The following DEPDC5 variants were observed in gnomAD, a reference collection of about 807,000 sequenced individuals.
The protein encoded by DEPDC5 is DEP domain containing 5, GATOR1 subcomplex subunit.
In DEPDC5, 73 loss-of-function variants were observed where a neutral mutation model predicts 217.3. That is an observed-to-expected ratio of 0.34 (90% CI 0.28 to 0.41). The LOEUF is 0.41. DEPDC5 is among the 10% of genes least tolerant of loss of function. The pLI is 1.00. For missense variants in DEPDC5, 1,675 were observed against 2,070.1 expected, an observed-to-expected ratio of 0.81 and a Z score of 3.70; for synonymous variants, 733 against 756.7, an observed-to-expected ratio of 0.97 and a Z score of 0.51.
chr22:31,873,099 C>T (rs549497092), intron 34 of DEPDC5, 156 bp from the exon 35 acceptor site: 23 of 1,430,900 alleles, frequency 1.6e-5, no homozygotes, highest in African/African-American at 1.3e-4. Context: ...ATGAGATAAC[C>T]CCCTGATATA....
intron 40 of DEPDC5, among the ~76,000 whole-genome samples, chr22:31,900,087 C>G (rs2093622417): frequency 1.3e-5 from 2 of 152,164 alleles, no homozygotes; most frequent in South Asian, 4.1e-4. Context: ...TGCTCTGTCG[C>G]CCAGGCTGGA....
chr22:31,792,957 C>G (rs2085852608), intron 12 of DEPDC5, 140 bp downstream of exon 12: 1 of 568,728 alleles, frequency 1.8e-6, no homozygotes, highest in Admixed American at 4.8e-5. Flanking sequence ...GTGGTCCCAG[C>G]TACTTGGGAG....
intron 15 of DEPDC5, 44 bp downstream of exon 15, chr22:31,802,882 C>T (rs202113256): frequency 6.5e-7 from 1 of 1,536,162 alleles, no homozygotes. Context: ...TGTTCCTAGC[C>T]TGATTTCCCC....
At chr22:31,851,098 G>T (rs1355872056) in intron 31 of DEPDC5, among the ~76,000 whole-genome samples, 5 of 152,004 alleles carry the variant, frequency 3.3e-5, no homozygotes, top group Non-Finnish European at 1.5e-5. Flanking sequence ...CAGTTTTACT[G>T]GATTTACACA....
At chr22:31,858,547 CTG>C (rs1220155453) in intron 32 of DEPDC5, 10 of 152,122 alleles carry the variant, frequency 6.6e-5, no homozygotes, top group Non-Finnish European at 1.2e-4. Context: ...AATGGTATAT[CTG>C]TGTTTATTTT....
rs1433094505 is a variant in DEPDC5, at chr22:31,876,190, T to C, written c.3730T>C (p.Ser1244Pro). 1.2e-6 allele frequency: 2 copies of C among 1,614,040 alleles called. No homozygotes were observed. Among genetic ancestry groups the C allele is most frequent in the African/African-American group, 2.7e-5 (2 of 74,944 alleles). Residue 1244 changes from serine to proline, a missense_variant, in exon 37 of 43, where the codon TCT becomes CCT. Ser to Pro is a moderately conservative substitution (Grantham distance 74). Around this residue, in one of 11 missense-constraint regions of DEPDC5, gnomAD observed 194 missense variants for 199.3 expected, o/e 0.97. Coordinates refer to ENST00000651528, the MANE Select transcript of DEPDC5 (RefSeq NM_001242896.3). Reference protein sequence around the residue: ...MLEEQLITHASGEAWRTFIYG... With the variant: ...MLEEQLITHAPGEAWRTFIYG... ...GGAAGAGCAGCTCATCACACATGCA[T>C]CTGGCGAAGCCTGGCGGACCTTCAT...
At chr22:31,761,924 C>T (rs921322432) in intron 4 of DEPDC5, among the ~76,000 whole-genome samples, 32 of 148,576 alleles carry the variant, frequency 2.2e-4, no homozygotes, top group African/African-American at 6.8e-4. Context: ...GCCGAGGTCA[C>T]GCCACTGCAC....
At chr22:31,889,030 C>T (rs540713870) in intron 38 of DEPDC5, among the ~76,000 whole-genome samples, 45 of 152,284 alleles carry the variant, frequency 3.0e-4, no homozygotes, top group Admixed American at 5.9e-4. Flanking sequence ...ACCTGGGCAC[C>T]TCTGATTGTT....
rs149835772 is a variant in DEPDC5 at position 31,794,598 on chromosome 22, A to G, written c.767+1781A>G. Among the ~76,000 whole-genome samples, 59 of 152,208 alleles carry G rather than the reference A, an allele frequency of 3.9e-4. 1 individual carries two copies. In the East Asian group the frequency reaches 0.011, roughly 27 times the overall value. On this transcript the variant is annotated intron_variant, in intron 12 of 42. Transcript: ENST00000651528. The stretch of plus-strand genomic sequence containing the variant: ...ACAGGTTCATTTTAGGAAAATCACA[A>G]AATAGGCCAGGCGTGGTGGCTGATA...
At chr22:31,828,127 T>C (rs2090294856) in intron 24 of DEPDC5, among the ~76,000 whole-genome samples, 2 of 152,228 alleles carry the variant, frequency 1.3e-5, no homozygotes, top group Non-Finnish European at 2.9e-5. Context: ...GATTTTTGTT[T>C]TGCTCATGAC....
Position 31,897,506 on chromosome 22 carries a change from A to G in DEPDC5, c.4228A>G (p.Thr1410Ala), listed in dbSNP as rs1308601103. 6.2e-7 allele frequency: 1 copy of G among 1,613,186 alleles called. No individual in the cohort carries two copies. The highest frequency in any genetic ancestry group is 1.7e-5 in the Admixed American group (1 of 59,954). ...GGTCCAAGGTTGGCATCGGAAAGCC[A>G]CCTCCTGTGGCTTCTTGTTAGTCCC... ...EMVQGWHRKA[T>A]SCGFLLVPVL... is the part of the protein sequence containing the mutation. The change falls in exon 40 of 43, where the codon ACC becomes GCC. Residue 1410 changes from threonine (T) to alanine (A), a missense_variant. Thr to Ala is a moderately conservative substitution (Grantham distance 58). Transcript: ENST00000651528.
intron 23 of DEPDC5, among the ~76,000 whole-genome samples, 161 bp from the exon 24 acceptor site, chr22:31,822,532 T>C (rs1447421517): frequency 6.6e-6 from 1 of 152,192 alleles, no homozygotes; most frequent in Non-Finnish European, 1.5e-5. Context: ...CACTGTGGCC[T>C]GGTGGCTTAA....
chr22:31,787,128 C>T (rs1222875742), intron 10 of DEPDC5, among the ~76,000 whole-genome samples: 2 of 152,000 alleles, frequency 1.3e-5, no homozygotes, highest in African/African-American at 4.8e-5. Context: ...CACTGTCACC[C>T]AGGCTGGAGT....
At position 31,821,500 on chromosome 22, in the gene DEPDC5, AG is replaced by A; in HGVS notation, c.1872del. The stretch of plus-strand genomic sequence containing the variant: ...ATGCTCAGTGGTTCTTTATCTGGGT[AG>A]GGCCATCCGGAGAAGCCATCCAGAT... On this transcript the variant is annotated splice_acceptor_variant, in intron 22 of 42. Coordinates refer to ENST00000651528, the MANE Select transcript of DEPDC5 (RefSeq NM_001242896.3). LOFTEE classifies it high-confidence loss of function. 6.2e-7 allele frequency: 1 copy of A among 1,614,154 alleles called. No homozygotes were observed. The highest frequency in any genetic ancestry group is 8.5e-7 in the Non-Finnish European group (1 of 1,179,994).
chr22:31,803,578 C>T (rs184786085), intron 15 of DEPDC5, among the ~76,000 whole-genome samples: 2 of 152,092 alleles, frequency 1.3e-5, no homozygotes, highest in African/African-American at 4.8e-5. Context: ...TGATGTGCCT[C>T]GTATCCCCAA....
At chr22:31,797,251 A>G (rs1445236826) in intron 12 of DEPDC5, among the ~76,000 whole-genome samples, 2 of 152,132 alleles carry the variant, frequency 1.3e-5, no homozygotes, top group Non-Finnish European at 2.9e-5. Context: ...GGTAATTTAT[A>G]AAGAAAAAAG....
At chr22:31,813,678 G>T in intron 20 of DEPDC5, among the ~76,000 whole-genome samples, 1 of 137,364 alleles carries the variant, frequency 7.3e-6, no homozygotes, top group Non-Finnish European at 1.5e-5. Flanking sequence ...TTTTAATAAG[G>T]CTATATATAT....
At chr22:31,812,600 A>G (rs761195873) in intron 20 of DEPDC5, among the ~76,000 whole-genome samples, 29 of 129,072 alleles carry the variant, frequency 2.2e-4, no homozygotes, top group Admixed American at 5.4e-4. Flanking sequence ...AATTTTTTGT[A>G]TTTTTAGTAG....
chr22:31,881,682 A>G (rs1048969371), intron 38 of DEPDC5, among the ~76,000 whole-genome samples: 5 of 152,104 alleles, frequency 3.3e-5, no homozygotes, highest in African/African-American at 1.2e-4. Context: ...CATGTGGCTC[A>G]TGCATGTAAT....
Sources: allele counts gnomAD v4.1 joint callset (sites outside exome capture counted in the v4.1 genomes callset), GRCh38; gene constraint gnomAD v4.1.1; regional missense constraint gnomAD v4.1.1; transcripts MANE v1.5; gene names NCBI Gene and HGNC (gene_info 2026-07-23, HGNC 2026-07-21).